CRACDL: variants seen among roughly 807,000 people sequenced by gnomAD.
CRACDL encodes the protein CRACD-like protein.
Under a neutral mutation model 70.6 loss-of-function variants are expected in CRACDL, and 26 were observed. The ratio of observed to expected loss-of-function variants is 0.37; its 90% confidence interval spans 0.27 to 0.51. CRACDL has a LOEUF of 0.51. Ranked by LOEUF, CRACDL falls within the 20% of genes least tolerant of loss-of-function variation. The pLI is 0.94. For synonymous variants in CRACDL, 618 were observed against 615.2 expected (o/e 1.00, Z -0.07); for missense variants, 1,283 against 1,376.9 (o/e 0.93, Z 1.08).
chr2:98,820,415 T>C (rs1704980034), intron 7 of CRACDL, among the ~76,000 whole-genome samples: 1 of 152,042 alleles, frequency 6.6e-6, no homozygotes. Flanking sequence ...GTGCCTGTAA[T>C]CCCAGCTACT....
intron 1 of CRACDL, among the ~76,000 whole-genome samples, chr2:98,849,723 G>A (rs747495785): frequency 4.0e-5 from 6 of 151,738 alleles, no homozygotes; most frequent in East Asian, 1.9e-4. Flanking sequence ...GTTGCCCACC[G>A]ACAAAGGGAC....
chr2:98,866,247 T>G (rs929290308), intron 1 of CRACDL, among the ~76,000 whole-genome samples: 2 of 152,154 alleles, frequency 1.3e-5, no homozygotes, highest in African/African-American at 4.8e-5. Flanking sequence ...AGTTACTGTT[T>G]GTCTGATGTT....
intron 1 of CRACDL, among the ~76,000 whole-genome samples, chr2:98,866,818 C>T (rs1343339561): frequency 6.6e-6 from 1 of 151,990 alleles, no homozygotes; most frequent in African/African-American, 2.4e-5. Context: ...GATCACCCAA[C>T]ACATTAATGC....
At chr2:98,867,251 A>C (rs1016742675) in intron 1 of CRACDL, among the ~76,000 whole-genome samples, 1 of 152,226 alleles carries the variant, frequency 6.6e-6, no homozygotes, top group Non-Finnish European at 1.5e-5. Context: ...CTACCTACAT[A>C]ACAGTTGATT....
At chr2:98,870,887 T>G (rs1707315674) in intron 1 of CRACDL, among the ~76,000 whole-genome samples, 1 of 152,148 alleles carries the variant, frequency 6.6e-6, no homozygotes, top group Non-Finnish European at 1.5e-5. Context: ...CAGCACAGAG[T>G]GGCCCAATGC....
At chr2:98,839,878 TATTA>T (rs1705948188) in intron 2 of CRACDL, among the ~76,000 whole-genome samples, 1 of 152,228 alleles carries the variant, frequency 6.6e-6, no homozygotes, top group African/African-American at 2.4e-5. Flanking sequence ...CTCACCCTGA[TATTA>T]ATTATCATAA....
chr2:98,919,615 A>G lies in CRACDL; in HGVS notation c.-11+16323T>C, dbSNP rs1051443579. ...CATGGAATATATTTGGGGGTTTGAT[A>G]TGAGCAAGGGGCTTGATGGTTTCCC... On this transcript the variant is annotated intron_variant, in intron 1 of 9. Transcript: ENST00000397899. Among the ~76,000 whole-genome samples, 9 of 152,234 alleles carry G rather than the reference A, an allele frequency of 5.9e-5. No individual in the cohort carries two copies. In the East Asian group the frequency reaches 1.5e-3, roughly 26 times the overall value.
At chr2:98,807,361 T>C (rs1704350115) in intron 7 of CRACDL, among the ~76,000 whole-genome samples, 1 of 152,232 alleles carries the variant, frequency 6.6e-6, no homozygotes, top group Admixed American at 6.5e-5. Flanking sequence ...GCTGACATTT[T>C]GGGCTGGATA....
At position 98,859,311 on chromosome 2, in the gene CRACDL, A is replaced by G. The variant is rs1287215504; in HGVS notation, c.-10-12501T>C. Among the ~76,000 whole-genome samples, 4 of 152,214 alleles carry G rather than the reference A, an allele frequency of 2.6e-5. No individual in the cohort carries two copies. In the East Asian group the frequency reaches 7.7e-4, roughly 29 times the overall value. On this transcript the variant is annotated intron_variant, in intron 1 of 9. Coordinates refer to ENST00000397899, the MANE Select transcript of CRACDL (RefSeq NM_207362.3). ...GAATACAGGTTGGTTTAACACATGAAAACTAATTAATGCAAAAGCCATATT... is the reference window on the plus strand; with the variant it reads ...GAATACAGGTTGGTTTAACACATGAGAACTAATTAATGCAAAAGCCATATT...
rs199739148 is a variant in CRACDL at position 98,797,473 on chromosome 2, G to A, written c.2481C>T (p.Ile827=). Residue 827 remains isoleucine, a synonymous_variant, in exon 8 of 10, where the codon ATC becomes ATT. Coordinates refer to ENST00000397899, the MANE Select transcript of CRACDL (RefSeq NM_207362.3). ...GADGQPAPPW[I]TVTRQKRRGT... is the part of the protein sequence containing the mutation. ...CCCTCCGCTTCTGCCGAGTGACGGT[G>A]ATCCAGGGTGGCGCAGGCTGCCCAT... The A allele has an allele frequency of 1.2e-4, 186 of 1,614,124 alleles. 1 individual carries two copies. The highest frequency in any genetic ancestry group is 1.6e-4 in the Non-Finnish European group (183 of 1,180,048).
At position 98,822,000 on chromosome 2, in the gene CRACDL, G is replaced by C. The variant is rs1705060781; in HGVS notation, c.2273C>G (p.Ser758Cys). The stretch of plus-strand genomic sequence containing the variant: ...CGGCTTCCGGGGCAGGGGCGGCTTG[G>C]AGCTGAGCGGCTCGGGGGGCCGGGC... ...GKARPPEPLS[S>C]KPPLPRKPLL... The change falls in exon 7 of 10, where the codon TCC becomes TGC. Residue 758 changes from serine (S) to cysteine (C), a missense_variant. Physicochemically the swap from Ser to Cys is moderately radical, Grantham distance 112. Coordinates refer to ENST00000397899, the MANE Select transcript of CRACDL (RefSeq NM_207362.3). The C allele has an allele frequency of 6.5e-7, 1 of 1,537,690 alleles. No homozygotes were observed. Among genetic ancestry groups the C allele is most frequent in the African/African-American group, 1.4e-5 (1 of 72,284 alleles).
At chr2:98,894,249 C>T (rs1029190331) in intron 1 of CRACDL, among the ~76,000 whole-genome samples, 1 of 152,084 alleles carries the variant, frequency 6.6e-6, no homozygotes, top group African/African-American at 2.4e-5. Flanking sequence ...GTGAGAACAC[C>T]CCCTCCCATC....
intron 1 of CRACDL, among the ~76,000 whole-genome samples, chr2:98,906,568 C>A (rs1048981861): frequency 2.1e-4 from 32 of 152,200 alleles, no homozygotes; most frequent in African/African-American, 7.2e-4. Flanking sequence ...GGCCATCCAA[C>A]CAGTGAATTC....
At chr2:98,860,449 T>G (rs1012474509) in intron 1 of CRACDL, among the ~76,000 whole-genome samples, 1 of 152,316 alleles carries the variant, frequency 6.6e-6, no homozygotes, top group East Asian at 1.9e-4. Flanking sequence ...GGTAGACATA[T>G]AGTTCAACAG....
intron 1 of CRACDL, among the ~76,000 whole-genome samples, chr2:98,847,893 G>A (rs1195150517): frequency 6.6e-6 from 1 of 152,190 alleles, no homozygotes; most frequent in African/African-American, 2.4e-5. Context: ...GGATTTGCGG[G>A]TGTGTGCCCG....
rs1452345165 is a variant in CRACDL, at chr2:98,905,127, G to A, written c.-11+30811C>T. 4.0e-5 allele frequency among the ~76,000 whole-genome samples: 6 copies of A among 151,236 alleles called. No individual in the cohort carries two copies. In the South Asian group the frequency reaches 1.1e-3, roughly 26 times the overall value. ...TAGCCGGGCATAGTGGCGGGTGCCTGTAGTCCCAGCTACTCGGGAGGCTGA... is the reference window on the plus strand; with the variant it reads ...TAGCCGGGCATAGTGGCGGGTGCCTATAGTCCCAGCTACTCGGGAGGCTGA... On this transcript the variant is annotated intron_variant, in intron 1 of 9. Transcript: ENST00000397899.
chr2:98,804,026 T>C (rs755860521), intron 7 of CRACDL, among the ~76,000 whole-genome samples: 10 of 152,236 alleles, frequency 6.6e-5, no homozygotes, highest in Non-Finnish European at 1.2e-4. Flanking sequence ...AAGCCATTTA[T>C]TGATCTGTTG....
chr2:98,907,898 G>A (rs1708452861), intron 1 of CRACDL, among the ~76,000 whole-genome samples: 1 of 152,158 alleles, frequency 6.6e-6, no homozygotes, highest in Non-Finnish European at 1.5e-5. Flanking sequence ...ACTAAGACCA[G>A]ATGAAAAAGG....
intron 1 of CRACDL, among the ~76,000 whole-genome samples, chr2:98,891,991 A>T (rs1261688028): frequency 6.6e-6 from 1 of 152,230 alleles, no homozygotes; most frequent in African/African-American, 2.4e-5. Flanking sequence ...CCTACTGAAA[A>T]CTAAATGTAA....
Sources: allele counts gnomAD v4.1 joint callset (sites outside exome capture counted in the v4.1 genomes callset), GRCh38; gene constraint gnomAD v4.1.1; transcripts MANE v1.5; gene names NCBI Gene and HGNC (gene_info 2026-07-23, HGNC 2026-07-21).